RIMBP2: variants seen among roughly 807,000 people sequenced by gnomAD.
The protein encoded by RIMBP2 is RIMS binding protein 2.
Under a neutral mutation model 118.6 loss-of-function variants are expected in RIMBP2, and 48 were observed. The observed-to-expected ratio is 0.40, with a 90% CI of 0.32 to 0.51. The LOEUF is 0.51. Ranked by LOEUF, RIMBP2 falls within the 20% of genes least tolerant of loss-of-function variation. RIMBP2 has a pLI of 0.41. For missense variants in RIMBP2, 1,551 were observed against 1,768.3 expected (o/e 0.88, Z 2.20); for synonymous variants, 762 against 742.9 (o/e 1.03, Z -0.42).
At chr12:130,411,673 C>T (rs568464102) in intron 19 of RIMBP2, among the ~76,000 whole-genome samples, 5 of 152,184 alleles carry the variant, frequency 3.3e-5, no homozygotes, top group East Asian at 3.9e-4. Flanking sequence ...TAGTCAACTT[C>T]GGGAAAGGAG....
chr12:130,440,552 G>A (rs111967764), intron 11 of RIMBP2, among the ~76,000 whole-genome samples: 85 of 152,272 alleles, frequency 5.6e-4, no homozygotes, highest in African/African-American at 1.9e-3. Context: ...CCCGAGAGAG[G>A]TGCCCTTCAC....
chr12:130,713,161 AAG>A (rs954146361), intron 1 of RIMBP2, among the ~76,000 whole-genome samples: 4 of 126,944 alleles, frequency 3.2e-5, no homozygotes, highest in African/African-American at 1.3e-4. Flanking sequence ...AACGGAATAA[AAG>A]AGTGAGAGAA....
intron 5 of RIMBP2, among the ~76,000 whole-genome samples, chr12:130,476,858 G>A (rs1483006463): frequency 1.3e-5 from 2 of 152,214 alleles, no homozygotes; most frequent in Non-Finnish European, 2.9e-5. Context: ...CAGCAGCTGA[G>A]TGGCTGCTTG....
intron 4 of RIMBP2, among the ~76,000 whole-genome samples, chr12:130,493,842 C>T (rs142586756): frequency 1.3e-5 from 2 of 152,304 alleles, no homozygotes; most frequent in East Asian, 1.9e-4. Flanking sequence ...ATGAAAGAGT[C>T]TACCAGGAGA....
intron 2 of RIMBP2, among the ~76,000 whole-genome samples, chr12:130,561,632 A>C (rs576364920): frequency 1.5e-3 from 224 of 152,220 alleles, no homozygotes; most frequent in Middle Eastern, 6.8e-3. Context: ...TTAACTCCCA[A>C]CTGGCCATTA....
At chr12:130,471,856 G>A (rs2081037050) in intron 5 of RIMBP2, 1 of 152,724 alleles carries the variant, frequency 6.5e-6, no homozygotes, top group Admixed American at 6.5e-5. Context: ...CTGGGGTCTG[G>A]ACCTCCCCTG....
intron 22 of RIMBP2, chr12:130,398,055 A>AT (rs1291421171): frequency 6.6e-6 from 1 of 152,596 alleles, no homozygotes; most frequent in Non-Finnish European, 1.5e-5. Flanking sequence ...AAAAAAAAAA[A>AT]CTAAAATGAA....
chr12:130,550,747 G>T (rs1320818431), intron 2 of RIMBP2, among the ~76,000 whole-genome samples: 1 of 152,252 alleles, frequency 6.6e-6, no homozygotes, highest in Non-Finnish European at 1.5e-5. Flanking sequence ...TACACTTGAG[G>T]TGATGTATTA....
intron 18 of RIMBP2, among the ~76,000 whole-genome samples, chr12:130,413,765 C>G (rs1016570543): frequency 6.6e-6 from 1 of 152,042 alleles, no homozygotes; most frequent in South Asian, 2.1e-4. Flanking sequence ...CCCTTTTTCC[C>G]TCCCTTTCCC....
rs926285393 is a variant in RIMBP2 at position 130,475,552 on chromosome 12, G to A, written c.102+3360C>T. On this transcript the variant is annotated intron_variant, in intron 5 of 22. Transcript: ENST00000690449. The surrounding 1 kb of genome is among the most constrained non-coding windows in gnomAD (Gnocchi z 4.1). ...GCACAAAGAGGCAGGGAGGAGACCC[G>A]CAGACGGTGGGGAGGGGCATTTCCA... 2.6e-5 allele frequency among the ~76,000 whole-genome samples: 4 copies of A among 152,134 alleles called. No individual in the cohort carries two copies. The highest frequency in any genetic ancestry group is 7.2e-5 in the African/African-American group (3 of 41,432).
intron 2 of RIMBP2, among the ~76,000 whole-genome samples, chr12:130,586,207 C>A (rs531543092): frequency 6.6e-6 from 1 of 152,270 alleles, no homozygotes; most frequent in South Asian, 2.1e-4. Flanking sequence ...ATAATCCCAG[C>A]AGTTTGGGAG....
chr12:130,455,853 G>A (rs1010798277), intron 7 of RIMBP2, among the ~76,000 whole-genome samples: 2 of 151,946 alleles, frequency 1.3e-5, no homozygotes, highest in Admixed American at 6.6e-5. Context: ...CAGCCAGGAC[G>A]TAGCACCTCC....
Position 130,683,625 on chromosome 12 carries a change from C to G in RIMBP2, c.-352+32597G>C, listed in dbSNP as rs530126532. On this transcript the variant is annotated intron_variant, in intron 1 of 22. Transcript: ENST00000690449. This position sits in a 1 kb window ranked among gnomAD's most constrained non-coding sequence, Gnocchi z 4.4. ...AAAGACACAGGTCATAAAGACCTTG[C>G]GGATAAAACAGTTGCAGTAAACAAG... Among the ~76,000 whole-genome samples the G allele has an allele frequency of 6.6e-6, 1 of 152,120 alleles. No homozygotes were observed. Among genetic ancestry groups the G allele is most frequent in the Non-Finnish European group, 1.5e-5 (1 of 68,020 alleles).
chr12:130,483,011 G>C (rs1389159439), intron 4 of RIMBP2, among the ~76,000 whole-genome samples: 1 of 68,612 alleles, frequency 1.5e-5, no homozygotes, highest in Non-Finnish European at 2.8e-5. Flanking sequence ...ACATGTGTCA[G>C]ATTCTGCAGG....
chr12:130,678,520 T>A (rs1371276695), intron 1 of RIMBP2, among the ~76,000 whole-genome samples: 1 of 149,938 alleles, frequency 6.7e-6, no homozygotes, highest in Non-Finnish European at 1.5e-5. Flanking sequence ...AGGATTGCAC[T>A]TTTTTTTTTC....
rs533853128 is a variant in RIMBP2, at chr12:130,612,197, C to T, written c.-217+16125G>A. ...GCAGCTGCTTGGATTGACCTGTGTC[C>T]GGCCCAGACTGGAGAACAGGCCGCC... On this transcript the variant is annotated intron_variant, in intron 2 of 22. Coordinates refer to ENST00000690449, the MANE Select transcript of RIMBP2 (RefSeq NM_001393629.1). Among the ~76,000 whole-genome samples the T allele has an allele frequency of 2.0e-5, 3 of 152,186 alleles. No homozygotes were observed. The Middle Eastern group carries it at 0.01, about 518-fold the overall frequency.
intron 4 of RIMBP2, among the ~76,000 whole-genome samples, chr12:130,501,227 G>A (rs1276646046): frequency 5.9e-5 from 9 of 152,262 alleles, no homozygotes; most frequent in Non-Finnish European, 1.3e-4. Context: ...CTGCCTTGCT[G>A]GAAGCCCCCA....
At chr12:130,516,365 C>T (rs2051461919) in intron 3 of RIMBP2, among the ~76,000 whole-genome samples, 2 of 152,230 alleles carry the variant, frequency 1.3e-5, no homozygotes, top group African/African-American at 2.4e-5. Flanking sequence ...GCTATGCATC[C>T]TTTGAAGGTA....
intron 2 of RIMBP2, among the ~76,000 whole-genome samples, chr12:130,558,900 T>C (rs1372977257): frequency 6.6e-6 from 1 of 152,246 alleles, no homozygotes; most frequent in African/African-American, 2.4e-5. Context: ...TTTATTGACT[T>C]GGTCATGAAA....
Sources: gnomAD v4.1 joint callset for allele counts (sites outside exome capture counted in the v4.1 genomes callset) on GRCh38, gnomAD v4.1.1 for gene constraint, Gnocchi (gnomAD v3.1) non-coding constraint, MANE v1.5 for transcripts, NCBI Gene and HGNC (gene_info 2026-07-23, HGNC 2026-07-21) for gene names.